The following HS3ST4 variants were observed in gnomAD, a reference collection of about 807,000 sequenced individuals.
HS3ST4 encodes heparan sulfate-glucosamine 3-sulfotransferase 4, also known as heparan sulfate glucosamine 3-O-sulfotransferase 4.
HS3ST4 carries 17 observed loss-of-function variants against 29.2 expected under a neutral mutation model. That is an observed-to-expected ratio of 0.58 (90% CI 0.40 to 0.87). The LOEUF is 0.87. HS3ST4 is among the 40% of genes least tolerant of loss of function. The pLI is 0.00. For missense variants in HS3ST4, 627 were observed against 634.5 expected, an observed-to-expected ratio of 0.99 and a Z score of 0.13; for synonymous variants, 314 against 285.7, an observed-to-expected ratio of 1.10 and a Z score of -1.00.
intron 1 of HS3ST4, among the ~76,000 whole-genome samples, chr16:25,939,661 C>A (rs1318442306): frequency 6.6e-6 from 1 of 152,048 alleles, no homozygotes; most frequent in Non-Finnish European, 1.5e-5. Context: ...AGGTAAACAT[C>A]CTGTTTGTCA....
In HS3ST4 at chr16:25,939,307, A is replaced by G. The variant is rs559012224; in HGVS notation, c.735-196305A>G. Among the ~76,000 whole-genome samples the G allele has an allele frequency of 2.0e-4, 17 of 86,608 alleles. No homozygotes were observed. In the East Asian group the frequency reaches 2.3e-3, roughly 12 times the overall value. The allele number at this position is 86,608 out of a possible 152,430, so 56.8% of individuals were successfully genotyped here. On this transcript the variant is annotated intron_variant, in intron 1 of 1. Coordinates refer to ENST00000331351, the MANE Select transcript of HS3ST4 (RefSeq NM_006040.3). Reference sequence around the variant, plus strand: ...CAACTTTTAAATGCTGACAGCATTTATTATTATTATTATTATTATTATCAT... The same window carrying G: ...CAACTTTTAAATGCTGACAGCATTTGTTATTATTATTATTATTATTATCAT...
At chr16:25,976,388 C>T (rs1213891392) in intron 1 of HS3ST4, among the ~76,000 whole-genome samples, 1 of 152,150 alleles carries the variant, frequency 6.6e-6, no homozygotes, top group Non-Finnish European at 1.5e-5. Flanking sequence ...TCACTGCAGC[C>T]TCAAATTCCA....
chr16:25,836,599 C>T (rs1334124133), intron 1 of HS3ST4, among the ~76,000 whole-genome samples: 1 of 152,152 alleles, frequency 6.6e-6, no homozygotes, highest in African/African-American at 2.4e-5. Context: ...TAAATCCACC[C>T]GTTTGACAAT....
At chr16:26,060,637 G>A (rs561279361) in intron 1 of HS3ST4, among the ~76,000 whole-genome samples, 1 of 152,252 alleles carries the variant, frequency 6.6e-6, no homozygotes, top group East Asian at 1.9e-4. Context: ...TCTCATTCAG[G>A]TGGGAGATAG....
At chr16:26,111,345 T>G (rs1313242043) in intron 1 of HS3ST4, among the ~76,000 whole-genome samples, 1 of 151,994 alleles carries the variant, frequency 6.6e-6, no homozygotes, top group Non-Finnish European at 1.5e-5. Flanking sequence ...CTTCTCAAAG[T>G]GCTGGAATTA....
chr16:25,829,282 G>A (rs1443244438), intron 1 of HS3ST4, among the ~76,000 whole-genome samples: 3 of 152,238 alleles, frequency 2.0e-5, no homozygotes, highest in Non-Finnish European at 2.9e-5. Context: ...GCAGCTTGCT[G>A]CCTAGAGGAG....
At chr16:25,889,243 T>C (rs1967983786) in intron 1 of HS3ST4, among the ~76,000 whole-genome samples, 1 of 152,198 alleles carries the variant, frequency 6.6e-6, no homozygotes, top group African/African-American at 2.4e-5. Context: ...TCTTGCTCGC[T>C]CTGAGGGACT....
rs190604682 is a variant in HS3ST4, at chr16:25,767,945, G to C, written c.734+74794G>C. On this transcript the variant is annotated intron_variant, in intron 1 of 1. Coordinates refer to ENST00000331351, the MANE Select transcript of HS3ST4 (RefSeq NM_006040.3). ...TCCCTGGCACTGTGCCACCCCTAAG[G>C]GTGGGTACATGAACGAGTAGAGTCA... Among the ~76,000 whole-genome samples the C allele has an allele frequency of 3.9e-5, 6 of 152,254 alleles. No homozygotes were observed. In the East Asian group the frequency reaches 1.2e-3, roughly 29 times the overall value.
intron 1 of HS3ST4, among the ~76,000 whole-genome samples, chr16:25,882,606 A>G (rs1967905313): frequency 6.6e-6 from 1 of 152,072 alleles, no homozygotes; most frequent in African/African-American, 2.4e-5. Context: ...TTTTAGTTCT[A>G]CTGAAACTAT....
At chr16:25,957,479 G>A (rs377335770) in intron 1 of HS3ST4, among the ~76,000 whole-genome samples, 11 of 151,926 alleles carry the variant, frequency 7.2e-5, no homozygotes, top group Admixed American at 2.6e-4. Flanking sequence ...GTGCAATGGC[G>A]CGATCTCCAC....
chr16:26,134,354 TTTCTTTTC>T (rs1398980918), intron 1 of HS3ST4, among the ~76,000 whole-genome samples: 142 of 110,720 alleles, frequency 1.3e-3, no homozygotes, highest in African/African-American at 4.2e-3. Flanking sequence ...TTTCTTTTCT[TTTCTTTTC>T]TTTTTTTTTT....
chr16:26,093,479 G>A lies in HS3ST4; in HGVS notation c.735-42133G>A, dbSNP rs1170158342. On this transcript the variant is annotated intron_variant, in intron 1 of 1. Transcript: ENST00000331351. ...TGATACCCAGGCAAACAGGTCTGGA[G>A]TGGACCTCCAGCAAACCCCAACAGA... Among the ~76,000 whole-genome samples the A allele has an allele frequency of 2.0e-5, 3 of 152,200 alleles. No homozygotes were observed. The East Asian group carries it at 5.8e-4, about 29-fold the overall frequency.
chr16:25,736,826 C>A (rs552650289), intron 1 of HS3ST4, among the ~76,000 whole-genome samples: 2 of 152,084 alleles, frequency 1.3e-5, no homozygotes, highest in South Asian at 4.2e-4. Context: ...GATTTTCTTC[C>A]ATGATGCTGC....
intron 1 of HS3ST4, among the ~76,000 whole-genome samples, chr16:25,693,768 C>T (rs1349035868): frequency 6.6e-6 from 1 of 152,166 alleles, no homozygotes; most frequent in Non-Finnish European, 1.5e-5. Flanking sequence ...TGATTTTGCA[C>T]CAGAAGCCTC....
At chr16:25,965,915 G>A (rs145461940) in intron 1 of HS3ST4, among the ~76,000 whole-genome samples, 1 of 152,286 alleles carries the variant, frequency 6.6e-6, no homozygotes, top group East Asian at 1.9e-4. Context: ...CGTTGCTCAA[G>A]TGATCCTCCC....
chr16:26,075,875 TA>T (rs1304526176), intron 1 of HS3ST4, among the ~76,000 whole-genome samples: 1 of 152,112 alleles, frequency 6.6e-6, no homozygotes, highest in Non-Finnish European at 1.5e-5. Context: ...ACCTTAAACT[TA>T]GTTAGTCTCA....
chr16:26,111,772 A>C lies in HS3ST4; in HGVS notation c.735-23840A>C, dbSNP rs1596685245. ...AGTGGATCACTCCTGTAAGCCCAAC[A>C]CTTTGGGAGGCCAAGGCAGATGGAT... On this transcript the variant is annotated intron_variant, in intron 1 of 1. Coordinates refer to ENST00000331351, the MANE Select transcript of HS3ST4 (RefSeq NM_006040.3). Among the ~76,000 whole-genome samples, 3 of 152,340 alleles carry C rather than the reference A, an allele frequency of 2.0e-5. No homozygotes were observed. In the South Asian group the frequency reaches 6.2e-4, roughly 32 times the overall value.
chr16:25,978,183 A>G (rs1037846400), intron 1 of HS3ST4, among the ~76,000 whole-genome samples: 2 of 152,206 alleles, frequency 1.3e-5, no homozygotes, highest in Non-Finnish European at 2.9e-5. Flanking sequence ...TTTTGCATTA[A>G]AGATGGGAGT....
At chr16:26,052,919 T>C (rs1031256522) in intron 1 of HS3ST4, among the ~76,000 whole-genome samples, 6 of 152,256 alleles carry the variant, frequency 3.9e-5, no homozygotes, top group African/African-American at 1.4e-4. Context: ...TTACTAAATG[T>C]CTGCTTTGTC....
Sources: gnomAD v4.1 joint callset for allele counts (sites outside exome capture counted in the v4.1 genomes callset) on GRCh38, gnomAD v4.1.1 for gene constraint, MANE v1.5 for transcripts, NCBI Gene and HGNC (gene_info 2026-07-23, HGNC 2026-07-21) for gene names.